Variants in DNAH17 observed in about 807,000 individuals in gnomAD.
DNAH17 encodes axonemal beta dynein heavy chain 17.
A neutral mutation model predicts 485.6 loss-of-function variants in DNAH17; 376 were observed. That is an observed-to-expected ratio of 0.77 (90% CI 0.71 to 0.84). DNAH17 has a LOEUF of 0.84. Ranked by LOEUF, DNAH17 falls within the 40% of genes least tolerant of loss-of-function variation. The pLI, the probability that DNAH17 is intolerant of heterozygous loss-of-function variation, is 0.00. For synonymous variants in DNAH17, 3,031 were observed against 2,405.9 expected (o/e 1.26, Z -7.60); for missense variants, 6,370 against 5,839.3 (o/e 1.09, Z -2.96).
chr17:78,451,643 C>CTCCA lies in DNAH17; in HGVS notation c.10556_10559dup (p.Glu3520AspfsTer71). On this transcript the variant is annotated frameshift_variant, in exon 66 of 81. Transcript: ENST00000389840. LOFTEE classifies it high-confidence loss of function. ...GGATCAGGCGGAACTTGGGGTGGTA[C>CTCCA]TCCACCTCCTTGTCACCGATCTTAA... 1 of 1,587,468 alleles carries CTCCA rather than the reference C, an allele frequency of 6.3e-7. No homozygotes were observed. The highest frequency in any genetic ancestry group is 8.6e-7 in the Non-Finnish European group (1 of 1,166,952).
chr17:78,459,534 G>C (rs939303820), intron 60 of DNAH17, among the ~76,000 whole-genome samples: 2 of 152,242 alleles, frequency 1.3e-5, no homozygotes, highest in Admixed American at 6.5e-5. Context: ...TGCTCGTGTG[G>C]TCAGCTGCTC....
In DNAH17 at chr17:78,468,843, T is replaced by C; in HGVS notation, c.8552A>G (p.Asn2851Ser). 6.2e-7 allele frequency: 1 copy of C among 1,613,962 alleles called. No homozygotes were observed. Among genetic ancestry groups the C allele is most frequent in the Non-Finnish European group, 8.5e-7 (1 of 1,179,890 alleles). The change falls in exon 55 of 81, where the codon AAC becomes AGC. Residue 2851 changes from asparagine (N) to serine (S), a missense_variant. Coordinates refer to ENST00000389840, the MANE Select transcript of DNAH17 (RefSeq NM_173628.4). ...AAQYIKAAVK[N>S]VPSVFLMTDS... ...TGTCATCAGGAACACCGAGGGAACG[T>C]TCTTCACGGCAGCCTTTATGTACTG...
intron 66 of DNAH17, among the ~76,000 whole-genome samples, chr17:78,451,067 G>T (rs1422781840): frequency 6.6e-6 from 1 of 152,224 alleles, no homozygotes; most frequent in Non-Finnish European, 1.5e-5. Context: ...GACTGTAGGG[G>T]GCAGAACGGG....
chr17:78,496,631 G>C (rs2090081025), intron 37 of DNAH17: 1 of 147,586 alleles, frequency 6.8e-6, no homozygotes, highest in Admixed American at 6.8e-5. Flanking sequence ...TGTTATATAA[G>C]TGGAATTGTA....
intron 57 of DNAH17, among the ~76,000 whole-genome samples, chr17:78,461,973 G>A (rs1267260556): frequency 6.6e-6 from 1 of 152,068 alleles, no homozygotes; most frequent in East Asian, 1.9e-4. Flanking sequence ...CATATCAACT[G>A]CAGCCTGGGC....
Position 78,563,084 on chromosome 17 carries a change from G to A in DNAH17, c.1570-1104C>T, listed in dbSNP as rs529633881. ...GGAGGAAAAACCAAAACATGACTGC[G>A]AAGAGAGGGAGATTTTTCAGGCCCC... is the stretch of plus-strand genomic sequence containing the variant. On this transcript the variant is annotated intron_variant, in intron 11 of 80. Transcript: ENST00000389840. Among the ~76,000 whole-genome samples the A allele has an allele frequency of 1.1e-4, 16 of 152,314 alleles. 1 individual carries two copies. The highest frequency in any genetic ancestry group is 8.3e-4 in the South Asian group (4 of 4,818).
intron 75 of DNAH17, among the ~76,000 whole-genome samples, chr17:78,429,844 C>A (rs2086612916): frequency 1.3e-5 from 2 of 152,174 alleles, no homozygotes; most frequent in Admixed American, 1.3e-4. Flanking sequence ...TCCCTTCCAC[C>A]CTGTGGAAGT....
intron 48 of DNAH17, 44 bp downstream of exon 48, chr17:78,484,824 C>T (rs1272513114): frequency 8.1e-6 from 12 of 1,489,910 alleles, no homozygotes; most frequent in South Asian, 1.3e-5. Flanking sequence ...CCGCCCTCAC[C>T]GCCCCGGGGC....
In DNAH17 at chr17:78,454,607, G is replaced by A. The variant is rs2087708180; in HGVS notation, c.10269C>T (p.Arg3423=). Residue 3423 remains arginine (R), a synonymous_variant, in exon 64 of 81, where the codon CGC becomes CGT. Coordinates refer to ENST00000389840, the MANE Select transcript of DNAH17 (RefSeq NM_173628.4). The part of the protein sequence containing the change: ...TWNNQGLPSD[R]MSTENATILG... Reference sequence around the variant, plus strand: ...GGATGGTGGCATTCTCGGTGGACATGCGGTCGCTGGGGAGGCCCTGGTTGT... The same window carrying A: ...GGATGGTGGCATTCTCGGTGGACATACGGTCGCTGGGGAGGCCCTGGTTGT... The A allele has an allele frequency of 6.2e-7, 1 of 1,612,142 alleles. No homozygotes were observed. The highest frequency in any genetic ancestry group is 8.5e-7 in the Non-Finnish European group (1 of 1,179,658).
intron 77 of DNAH17, 90 bp downstream of exon 77, chr17:78,428,435 C>G: frequency 6.8e-7 from 1 of 1,467,970 alleles, no homozygotes; most frequent in Admixed American, 2.0e-5. Context: ...CCAGCAAGTT[C>G]CCCTGTACTG....
rs765008249 is a variant in DNAH17 at position 78,454,695 on chromosome 17, G to A, written c.10181C>T (p.Pro3394Leu). The change falls in exon 64 of 81, where the codon CCG becomes CTG. Residue 3394 changes from proline to leucine, a missense_variant. Physicochemically the swap from Pro to Leu is moderately conservative, Grantham distance 98 (BLOSUM62 -3). Transcript: ENST00000389840. ...PYIHNLKVPI[P>L]ITNGLDPLSL... ...CAAGGGATCCAGGCCATTCGTGATC[G>A]GGATGGGGACCTGCCCAGGGAGGCA... 9.9e-6 allele frequency: 16 copies of A among 1,611,956 alleles called. No individual in the cohort carries two copies. Among genetic ancestry groups the A allele is most frequent in the Non-Finnish European group, 1.4e-5 (16 of 1,179,806 alleles).
In DNAH17 at chr17:78,485,721, G is replaced by A. The variant is rs769324928; in HGVS notation, c.7312C>T (p.Arg2438Cys). 17 of 1,613,902 alleles carry A rather than the reference G, an allele frequency of 1.1e-5. No homozygotes were observed. The highest frequency in any genetic ancestry group is 3.3e-5 in the South Asian group (3 of 91,082). ...LVHTTETIRI[R>C]YFMDLLMEKS... ...TCCATGAGCAGGTCCATGAAGTAGC[G>A]GATGCGGATGGTTTCCGTGGTGTGG... Residue 2438 changes from arginine to cysteine, a missense_variant, in exon 47 of 81, where the codon CGC (arginine) becomes TGC (cysteine). Arg to Cys is a radical substitution (Grantham distance 180). Transcript: ENST00000389840.
At position 78,466,686 on chromosome 17, in the gene DNAH17, G is replaced by A. The variant is rs748190344; in HGVS notation, c.8909C>T (p.Ala2970Val). The A allele has an allele frequency of 1.9e-6, 3 of 1,611,974 alleles. No homozygotes were observed. The South Asian group carries it at 3.3e-5, about 18-fold the overall frequency. ...CCCCTCAGTCTCCTCCAGGAAGCGG[G>A]CGCTGACGGACACCAGCGCATCTTC... ...WPEDALVSVS[A>V]RFLEETEGIP... The change falls in exon 56 of 81, where the codon GCC becomes GTC. Residue 2970 changes from alanine to valine, a missense_variant. Physicochemically the swap from Ala to Val is moderately conservative, Grantham distance 64 (BLOSUM62 0). Transcript: ENST00000389840.
chr17:78,479,654 C>G (rs1217576202), intron 49 of DNAH17, 22 bp from the exon 50 acceptor site: 2 of 1,610,798 alleles, frequency 1.2e-6, no homozygotes, highest in Non-Finnish European at 1.7e-6. Flanking sequence ...CAACCAAACA[C>G]TCCAGTCAGC....
intron 25 of DNAH17, among the ~76,000 whole-genome samples, chr17:78,517,111 C>T (rs1452429895): frequency 6.6e-6 from 1 of 152,226 alleles, no homozygotes; most frequent in Non-Finnish European, 1.5e-5. Context: ...GACGTGATCT[C>T]AGCTCACTGC....
At chr17:78,570,489 G>A in intron 6 of DNAH17, 117 bp from the exon 7 acceptor site, 3 of 1,318,852 alleles carry the variant, frequency 2.3e-6, no homozygotes, top group Non-Finnish European at 3.0e-6. Context: ...GGTTCCCAAA[G>A]AGGAGGGGAG....
chr17:78,553,017 G>T (rs761077367), intron 14 of DNAH17, among the ~76,000 whole-genome samples: 4 of 152,132 alleles, frequency 2.6e-5, no homozygotes, highest in Non-Finnish European at 5.9e-5. Flanking sequence ...GAATGGTGTA[G>T]CATCACCCCC....
intron 24 of DNAH17, 138 bp from the exon 25 acceptor site, chr17:78,525,299 C>T: frequency 1.6e-6 from 2 of 1,266,664 alleles, no homozygotes; most frequent in East Asian, 5.2e-5. Flanking sequence ...ACAACGGTGT[C>T]CCACCTGGAG....
At position 78,425,366 on chromosome 17, in the gene DNAH17, A is replaced by C. The variant is rs1223315687; in HGVS notation, c.13121T>G (p.Val4374Gly). Residue 4374 changes from valine to glycine, a missense_variant, in exon 80 of 81, where the codon GTG (valine) becomes GGG (glycine). By Grantham distance (109) the Val-to-Gly change is moderately radical. Transcript: ENST00000389840. Reference sequence around the variant, plus strand: ...CTTACCTTCCATGAAGAGTCCGTACACGTAGGAGCCCTCTCGCGGAGGAGC... The same window carrying C: ...CTTACCTTCCATGAAGAGTCCGTACCCGTAGGAGCCCTCTCGCGGAGGAGC... ...MTAPPREGSY[V>G]YGLFMEGARW... is the part of the protein sequence containing the mutation. 6.2e-7 allele frequency: 1 copy of C among 1,613,854 alleles called. No homozygotes were observed. Among genetic ancestry groups the C allele is most frequent in the Non-Finnish European group, 8.5e-7 (1 of 1,179,838 alleles).
Sources: allele counts gnomAD v4.1 joint callset (sites outside exome capture counted in the v4.1 genomes callset), GRCh38; gene constraint gnomAD v4.1.1; transcripts MANE v1.5; gene names NCBI Gene and HGNC (gene_info 2026-07-23, HGNC 2026-07-21).